GABBR2: variants seen among roughly 807,000 people sequenced by gnomAD.
GABBR2 encodes the protein gamma-aminobutyric acid type B receptor subunit 2, also known as G-protein coupled receptor 51.
GABBR2 carries 23 observed loss-of-function variants against 105.6 expected under a neutral mutation model. The observed-to-expected ratio is 0.22, with a 90% CI of 0.16 to 0.31. GABBR2 has a LOEUF of 0.31. Among genes scored for constraint, GABBR2 ranks in the 10% least tolerant of loss-of-function variants. GABBR2 has a pLI of 1.00. For synonymous variants in GABBR2, 478 were observed against 499.7 expected, an observed-to-expected ratio of 0.96 and a Z score of 0.58; for missense variants, 734 against 1,245.5, an observed-to-expected ratio of 0.59 and a Z score of 6.18.
intron 16 of GABBR2, 47 bp from the exon 17 acceptor site, chr9:98,299,400 G>A: frequency 6.2e-7 from 1 of 1,611,204 alleles, no homozygotes; most frequent in Non-Finnish European, 8.5e-7. Flanking sequence ...GCCCAGCCCT[G>A]GCAGCTAGGC....
chr9:98,646,737 G>A (rs1830032642), intron 1 of GABBR2, among the ~76,000 whole-genome samples: 1 of 152,124 alleles, frequency 6.6e-6, no homozygotes, highest in South Asian at 2.1e-4. Flanking sequence ...GGTATTGCAG[G>A]ATGGCTTACA....
chr9:98,415,970 G>A (rs1403956563), intron 7 of GABBR2, among the ~76,000 whole-genome samples: 1 of 152,228 alleles, frequency 6.6e-6, no homozygotes, highest in African/African-American at 2.4e-5. Flanking sequence ...GTGTGTGGGT[G>A]TAGTAGGAGT....
At chr9:98,613,335 G>A (rs1829533483) in intron 1 of GABBR2, among the ~76,000 whole-genome samples, 1 of 152,108 alleles carries the variant, frequency 6.6e-6, no homozygotes, top group Non-Finnish European at 1.5e-5. Flanking sequence ...AGCTAATCAG[G>A]AGGCTGAGGC....
intron 1 of GABBR2, among the ~76,000 whole-genome samples, chr9:98,613,349 A>G (rs1829533879): frequency 6.6e-6 from 1 of 152,136 alleles, no homozygotes; most frequent in Admixed American, 6.5e-5. Context: ...CTGAGGCACA[A>G]GAATCGCGTG....
intron 13 of GABBR2, among the ~76,000 whole-genome samples, chr9:98,324,146 C>A (rs1394671191): frequency 6.6e-6 from 1 of 152,156 alleles, no homozygotes; most frequent in South Asian, 2.1e-4. Flanking sequence ...AGGGCCCTGT[C>A]GGTTTTTCAT....
intron 3 of GABBR2, among the ~76,000 whole-genome samples, chr9:98,504,220 A>T (rs1031467178): frequency 5.9e-5 from 9 of 152,244 alleles, no homozygotes; most frequent in African/African-American, 2.2e-4. Context: ...GCAGGAAGAC[A>T]TGAGACAGAA....
chr9:98,555,037 G>T (rs979037271), intron 2 of GABBR2, among the ~76,000 whole-genome samples: 4 of 152,214 alleles, frequency 2.6e-5, no homozygotes, highest in African/African-American at 9.7e-5. Context: ...ACTGGGGTCA[G>T]ACAGGCACAT....
chr9:98,479,490 G>C (rs936384904), intron 5 of GABBR2, among the ~76,000 whole-genome samples: 2 of 152,194 alleles, frequency 1.3e-5, no homozygotes, highest in Non-Finnish European at 2.9e-5. Flanking sequence ...CTCCATCCAA[G>C]ATCCCCTGAA....
chr9:98,602,638 C>T (rs185539363), intron 1 of GABBR2, among the ~76,000 whole-genome samples: 8 of 152,130 alleles, frequency 5.3e-5, no homozygotes, highest in African/African-American at 1.7e-4. Flanking sequence ...CCTGCAATAA[C>T]GATGATCATA....
chr9:98,305,128 C>T (rs571025238), intron 15 of GABBR2, among the ~76,000 whole-genome samples: 14 of 152,194 alleles, frequency 9.2e-5, no homozygotes, highest in African/African-American at 3.4e-4. Context: ...CACAGATCAC[C>T]CTACTGCAGG....
chr9:98,315,686 T>G (rs748947728), intron 13 of GABBR2, among the ~76,000 whole-genome samples: 2 of 152,172 alleles, frequency 1.3e-5, no homozygotes, highest in Non-Finnish European at 2.9e-5. Flanking sequence ...TTCCTTGTCA[T>G]TGTCGTGCAC....
chr9:98,453,272 C>T (rs958007907), intron 7 of GABBR2, among the ~76,000 whole-genome samples: 5 of 152,226 alleles, frequency 3.3e-5, no homozygotes, highest in African/African-American at 7.2e-5. Flanking sequence ...GTGATCCACC[C>T]GCCTCAGCCT....
At chr9:98,573,038 C>T (rs1407383917) in intron 2 of GABBR2, among the ~76,000 whole-genome samples, 1 of 152,184 alleles carries the variant, frequency 6.6e-6, no homozygotes, top group Non-Finnish European at 1.5e-5. Context: ...CCACCGCCCT[C>T]CCTGCCCTAC....
chr9:98,344,263 T>G (rs1045014290), intron 13 of GABBR2, among the ~76,000 whole-genome samples: 1 of 152,172 alleles, frequency 6.6e-6, no homozygotes, highest in Non-Finnish European at 1.5e-5. Flanking sequence ...GAACTTCAGA[T>G]CCGTATGTCC....
At chr9:98,300,786 GAA>G (rs1830456665) in intron 16 of GABBR2, among the ~76,000 whole-genome samples, 2 of 152,320 alleles carry the variant, frequency 1.3e-5, no homozygotes, top group African/African-American at 4.8e-5. Flanking sequence ...ATCACAGAGA[GAA>G]AGTCTTGCCC....
At chr9:98,611,548 C>T (rs1409168919) in intron 1 of GABBR2, among the ~76,000 whole-genome samples, 1 of 152,194 alleles carries the variant, frequency 6.6e-6, no homozygotes, top group Non-Finnish European at 1.5e-5. Context: ...GGTATGTAAA[C>T]CCAAGCCATA....
intron 14 of GABBR2, among the ~76,000 whole-genome samples, chr9:98,308,722 C>T (rs369896414): frequency 1.3e-5 from 2 of 152,184 alleles, no homozygotes; most frequent in South Asian, 2.1e-4. Context: ...GAGGCAAGGA[C>T]GGATTCTCTC....
intron 1 of GABBR2, among the ~76,000 whole-genome samples, chr9:98,700,318 A>G (rs993062994): frequency 6.6e-6 from 1 of 152,194 alleles, no homozygotes; most frequent in African/African-American, 2.4e-5. Flanking sequence ...AGGAGATGCA[A>G]TCAGCTAATG....
intron 5 of GABBR2, among the ~76,000 whole-genome samples, chr9:98,477,806 C>T (rs1289150345): frequency 6.6e-6 from 1 of 152,182 alleles, no homozygotes; most frequent in Admixed American, 6.5e-5. Flanking sequence ...GTAATAAACC[C>T]TCGCATCAGT....
Sources: gnomAD v4.1 joint callset for allele counts (sites outside exome capture counted in the v4.1 genomes callset) on GRCh38, gnomAD v4.1.1 for gene constraint, MANE v1.5 for transcripts, NCBI Gene and HGNC (gene_info 2026-07-23, HGNC 2026-07-21) for gene names.